Variants in PDE7B observed in about 807,000 individuals in gnomAD.
PDE7B encodes phosphodiesterase 7B.
In PDE7B, 29 loss-of-function variants were observed where a neutral mutation model predicts 56.2. The observed-to-expected ratio is 0.52, with a 90% confidence interval of 0.38 to 0.70. The LOEUF (loss-of-function observed/expected upper bound fraction) is 0.70. Ranked by LOEUF, PDE7B falls within the 30% of genes least tolerant of loss-of-function variation. PDE7B has a pLI of 0.00. For missense variants in PDE7B, 490 were observed against 565.0 expected, an observed-to-expected ratio of 0.87 and a Z score of 1.35; for synonymous variants, 197 against 196.9, an observed-to-expected ratio of 1.00 and a Z score of 0.00.
At chr6:135,994,525 A>G (rs2128205488) in intron 2 of PDE7B, among the ~76,000 whole-genome samples, 1 of 152,302 alleles carries the variant, frequency 6.6e-6, no homozygotes, top group Middle Eastern at 3.4e-3. Flanking sequence ...CAGAGTTAGA[A>G]AGCCATTAAA....
At chr6:136,190,070 G>A (rs1779198110) in intron 12 of PDE7B, among the ~76,000 whole-genome samples, 1 of 152,000 alleles carries the variant, frequency 6.6e-6, no homozygotes, top group Non-Finnish European at 1.5e-5. Flanking sequence ...TTCACACTTT[G>A]AACTTCAGAA....
At chr6:136,147,597 G>C in intron 4 of PDE7B, 95 bp downstream of exon 4, 6 of 966,510 alleles carry the variant, frequency 6.2e-6, no homozygotes, top group Non-Finnish European at 9.6e-6. Flanking sequence ...CTCTGCCTCT[G>C]AGGAGCTCTG....
intron 2 of PDE7B, among the ~76,000 whole-genome samples, chr6:135,982,634 G>T (rs1775315919): frequency 6.6e-6 from 1 of 152,150 alleles, no homozygotes; most frequent in Non-Finnish European, 1.5e-5. Context: ...ATCTGATGAA[G>T]TCTGGGATGA....
intron 2 of PDE7B, among the ~76,000 whole-genome samples, chr6:135,966,972 A>G (rs1775006411): frequency 6.6e-6 from 1 of 152,146 alleles, no homozygotes; most frequent in Non-Finnish European, 1.5e-5. Context: ...TTCTAGCATT[A>G]TACAGTCAGC....
At chr6:135,921,876 C>T (rs1035016563) in intron 1 of PDE7B, among the ~76,000 whole-genome samples, 1 of 152,014 alleles carries the variant, frequency 6.6e-6, no homozygotes. Flanking sequence ...ACTTTCATCC[C>T]AACCTCCTAT....
intron 3 of PDE7B, among the ~76,000 whole-genome samples, chr6:136,133,548 A>G (rs1295242294): frequency 6.6e-6 from 1 of 152,206 alleles, no homozygotes; most frequent in Non-Finnish European, 1.5e-5. Context: ...AGCACCTATC[A>G]TGAGCCAGAT....
At chr6:135,995,496 G>T (rs181546539) in intron 2 of PDE7B, among the ~76,000 whole-genome samples, 5 of 152,228 alleles carry the variant, frequency 3.3e-5, no homozygotes, top group Admixed American at 6.5e-5. Flanking sequence ...TGATGAGTAT[G>T]AGTCGATTCA....
At chr6:135,984,308 T>G (rs1052787028) in intron 2 of PDE7B, among the ~76,000 whole-genome samples, 7 of 152,166 alleles carry the variant, frequency 4.6e-5, no homozygotes, top group Non-Finnish European at 8.8e-5. Context: ...TGTTTGTTTT[T>G]TTTGTTTGTT....
rs867814170 is a variant in PDE7B, at chr6:136,140,502, A to G, written c.167-6849A>G. ...CTTTAAAGTAGTTTTTTCCAATTCT[A>G]TGAAGAAAGTCATTGGTAGCTTGAT... On this transcript the variant is annotated intron_variant, in intron 3 of 12. Coordinates refer to ENST00000308191, the MANE Select transcript of PDE7B (RefSeq NM_018945.4). 5.4e-4 allele frequency among the ~76,000 whole-genome samples: 82 copies of G among 152,214 alleles called. 1 individual carries two copies. The highest frequency in any genetic ancestry group is 1.4e-3 in the East Asian group (7 of 5,178).
intron 2 of PDE7B, among the ~76,000 whole-genome samples, chr6:135,978,706 AAAACC>A (rs1775236671): frequency 6.6e-6 from 1 of 152,078 alleles, no homozygotes; most frequent in African/African-American, 2.4e-5. Flanking sequence ...ACTTGTGTTA[AAAACC>A]GAGACACATT....
At chr6:135,981,290 G>A (rs1409034055) in intron 2 of PDE7B, among the ~76,000 whole-genome samples, 1 of 113,440 alleles carries the variant, frequency 8.8e-6, no homozygotes, top group East Asian at 3.3e-4. Context: ...GTTGTGGGGT[G>A]GGGGGAGGGG....
chr6:135,933,955 C>T (rs978448699), intron 1 of PDE7B, among the ~76,000 whole-genome samples: 4 of 152,012 alleles, frequency 2.6e-5, no homozygotes, highest in Admixed American at 2.0e-4. Context: ...TAAAGGCAAC[C>T]CAATGATTTG....
chr6:135,980,676 T>C (rs1228639879), intron 2 of PDE7B, among the ~76,000 whole-genome samples: 2 of 151,282 alleles, frequency 1.3e-5, no homozygotes, highest in Non-Finnish European at 2.9e-5. Context: ...AAAAAACACA[T>C]GAAAAAATGC....
intron 2 of PDE7B, among the ~76,000 whole-genome samples, chr6:135,968,556 A>C (rs1562455472): frequency 6.6e-6 from 1 of 152,232 alleles, no homozygotes; most frequent in African/African-American, 2.4e-5. Context: ...GCTTGACATC[A>C]CTGATCATTA....
rs978744509 is a variant in PDE7B, at chr6:136,005,085, G to A, written c.82+57561G>A. 7.2e-5 allele frequency among the ~76,000 whole-genome samples: 11 copies of A among 152,106 alleles called. No individual in the cohort carries two copies. In the South Asian group the frequency reaches 1.5e-3, roughly 20 times the overall value. ...ACTATCTGATCTTTGACAAACCTGA[G>A]AAAAACAAGCAATGGGTAAAGGATT... On this transcript the variant is annotated intron_variant, in intron 2 of 12. Coordinates refer to ENST00000308191, the MANE Select transcript of PDE7B (RefSeq NM_018945.4).
rs1332084800 is a variant in PDE7B, at chr6:135,926,087, G to A, written c.22-21377G>A. Among the ~76,000 whole-genome samples, 103 of 50,702 alleles carry A rather than the reference G, an allele frequency of 2.0e-3. 7 individuals are homozygous for A. Among genetic ancestry groups the A allele is most frequent in the African/African-American group, 0.013 (94 of 7,466 alleles). The allele number at this position is 50,702 out of a possible 152,430, so 33.3% of individuals were successfully genotyped here. A position where few individuals can be genotyped will look rare whatever the true frequency, so the allele number is the denominator to read the frequency against. ...ATGCTTCTGTTTTTTCTTTTTTTTG[G>A]GGGGGGGGGGGGGAGGGGGGATGGA... On this transcript the variant is annotated intron_variant, in intron 1 of 12. Coordinates refer to ENST00000308191, the MANE Select transcript of PDE7B (RefSeq NM_018945.4).
rs924238985 is a variant in PDE7B, at chr6:136,104,651, C to T, written c.83-4080C>T. On this transcript the variant is annotated intron_variant, in intron 2 of 12. Coordinates refer to ENST00000308191, the MANE Select transcript of PDE7B (RefSeq NM_018945.4). ...TAACACATAAATCTTACTACATGAG[C>T]GCTTCCATTAAATAGAATGCTTCAG... Among the ~76,000 whole-genome samples the T allele has an allele frequency of 5.3e-5, 8 of 152,302 alleles. No homozygotes were observed. The South Asian group carries it at 8.3e-4, about 16-fold the overall frequency.
chr6:136,139,445 T>C (rs1263511852), intron 3 of PDE7B, among the ~76,000 whole-genome samples: 2 of 152,210 alleles, frequency 1.3e-5, no homozygotes, highest in East Asian at 3.8e-4. Context: ...TGCATGTGTC[T>C]TTAGAGCAGC....
At chr6:136,171,772 A>T (rs1778887318) in intron 8 of PDE7B, among the ~76,000 whole-genome samples, 1 of 145,684 alleles carries the variant, frequency 6.9e-6, no homozygotes, top group Non-Finnish European at 1.5e-5. Context: ...TATCTCCTAA[A>T]GCTATCCCTC....
Sources: gnomAD v4.1 joint callset for allele counts (sites outside exome capture counted in the v4.1 genomes callset) on GRCh38, gnomAD v4.1.1 for gene constraint, MANE v1.5 for transcripts, NCBI Gene and HGNC (gene_info 2026-07-23, HGNC 2026-07-21) for gene names.